The following SMU1 variants were observed in gnomAD, a reference collection of about 807,000 sequenced individuals.
SMU1 encodes the protein SMU1 DNA replication regulator and spliceosomal factor, also known as WD40 repeat-containing protein SMU1.
Under a neutral mutation model 62.0 loss-of-function variants are expected in SMU1, and 2 were observed. The ratio of observed to expected loss-of-function variants is 0.03; its 90% CI spans 0.01 to 0.10. The LOEUF is 0.10. Among genes scored for constraint, SMU1 ranks in the 10% least tolerant of loss-of-function variants. SMU1 has a pLI of 1.00. For synonymous variants in SMU1, 188 were observed against 212.4 expected (o/e 0.89, Z 1.00); for missense variants, 227 against 622.1 (o/e 0.36, Z 6.76).
Position 33,071,602 on chromosome 9 carries a change from A to C in SMU1, c.390+138T>G. ...ACGCAAATTTCAGCCAACATATATA[A>C]ACAGAGAAGCATCATTCTCAAAAAT... On this transcript the variant is annotated intron_variant, in intron 3 of 11. Coordinates refer to ENST00000397149, the MANE Select transcript of SMU1 (RefSeq NM_018225.3). 5 of 899,316 alleles carry C rather than the reference A, an allele frequency of 5.6e-6. No individual in the cohort carries two copies. In the South Asian group the frequency reaches 9.5e-5, roughly 17 times the overall value. The allele number at this position is 899,316 out of a possible 1,614,324, so 55.7% of individuals were successfully genotyped here. A position where few individuals can be genotyped will look rare whatever the true frequency, so the allele number is the denominator to read the frequency against.
intron 3 of SMU1, 24 bp from the exon 4 acceptor site, chr9:33,068,958 T>C (rs746255531): frequency 6.2e-7 from 1 of 1,612,334 alleles, no homozygotes; most frequent in South Asian, 1.1e-5. Context: ...GGGTGTAGCA[T>C]CATTTCCAAG....
rs564646769 is a variant in SMU1 at position 33,047,051 on chromosome 9, G to A, written c.*242C>T. On this transcript the variant is annotated 3_prime_UTR_variant, in exon 12 of 12. Coordinates refer to ENST00000397149, the MANE Select transcript of SMU1 (RefSeq NM_018225.3). ...ATATCAGTATTTCACTCTCCAGGTC[G>A]AAGATTAATGAAAACATTAAGTGAC... 7 of 355,590 alleles carry A rather than the reference G, an allele frequency of 2.0e-5. No homozygotes were observed. The highest frequency in any genetic ancestry group is 1.9e-4 in the South Asian group (4 of 21,088). The allele number at this position is 355,590 out of a possible 1,614,324, so 22.0% of individuals were successfully genotyped here.
At chr9:33,061,477 A>G (rs1839360422) in intron 5 of SMU1, among the ~76,000 whole-genome samples, 1 of 152,238 alleles carries the variant, frequency 6.6e-6, no homozygotes. Context: ...GCACAAATCC[A>G]GAGAAACTGT....
At chr9:33,048,673 T>G (rs1166634473) in intron 10 of SMU1, among the ~76,000 whole-genome samples, 1 of 152,236 alleles carries the variant, frequency 6.6e-6, no homozygotes, top group African/African-American at 2.4e-5. Context: ...TCTCTAAGAC[T>G]TTGCTTGCTC....
Position 33,044,738 on chromosome 9 carries a change from G to C in SMU1, c.*2555C>G, listed in dbSNP as rs1424906916. 1.3e-5 allele frequency: 2 copies of C among 152,260 alleles called. No individual in the cohort carries two copies. Among genetic ancestry groups the C allele is most frequent in the African/African-American group, 2.4e-5 (1 of 41,458 alleles). 9.4% of individuals were successfully genotyped at this position (152,260 alleles called of 1,614,324 possible). ...AACTTAGCGTTTACATGTTCACCCAGTGCATTATTTTATTTAAAAAGAAGA... is the reference window on the plus strand; with the variant it reads ...AACTTAGCGTTTACATGTTCACCCACTGCATTATTTTATTTAAAAAGAAGA... On this transcript the variant is annotated 3_prime_UTR_variant, in exon 12 of 12. Coordinates refer to ENST00000397149, the MANE Select transcript of SMU1 (RefSeq NM_018225.3).
intron 6 of SMU1, among the ~76,000 whole-genome samples, chr9:33,059,185 C>A (rs1839335167): frequency 6.6e-6 from 1 of 152,110 alleles, no homozygotes; most frequent in South Asian, 2.1e-4. Context: ...TAATCTCCAA[C>A]ATATGCTATA....
Position 33,062,195 on chromosome 9 carries a change from A to T in SMU1, c.502-18T>A, listed in dbSNP as rs369641455. On this transcript the variant is annotated intron_variant, in intron 4 of 11. Transcript: ENST00000397149. ...TTCAGTGCCTATGAGGAAAAAAAAA[A>T]ATATAGCAATCTGTTCAGGTGCTTT... 1.9e-4 allele frequency: 304 copies of T among 1,606,096 alleles called. 1 individual carries two copies. The highest frequency in any genetic ancestry group is 3.3e-4 in the Middle Eastern group (2 of 6,010).
At chr9:33,054,513 AT>A (rs1839284518) in intron 9 of SMU1, among the ~76,000 whole-genome samples, 2 of 152,344 alleles carry the variant, frequency 1.3e-5, no homozygotes, top group Admixed American at 6.5e-5. Context: ...GGCCACTTGC[AT>A]TACTTTTCCC....
At chr9:33,054,537 C>T (rs1839284725) in intron 9 of SMU1, among the ~76,000 whole-genome samples, 1 of 152,226 alleles carries the variant, frequency 6.6e-6, no homozygotes, top group Admixed American at 6.5e-5. Context: ...TCTATCTTTT[C>T]ACCTTATCCT....
intron 10 of SMU1, among the ~76,000 whole-genome samples, chr9:33,052,891 CGAAGGATGAAAGT>C (rs1839265265): frequency 6.6e-6 from 1 of 152,122 alleles, no homozygotes; most frequent in Non-Finnish European, 1.5e-5. Context: ...TTCCTTTATC[CGAAGGATGAAAGT>C]GCTTAATATA....
intron 9 of SMU1, among the ~76,000 whole-genome samples, 196 bp downstream of exon 9, chr9:33,055,917 T>C (rs1189900917): frequency 6.6e-6 from 1 of 152,210 alleles, no homozygotes; most frequent in Non-Finnish European, 1.5e-5. Flanking sequence ...TGAAAAGGTT[T>C]GAGATTGGGG....
Position 33,071,745 on chromosome 9 carries a change from G to A in SMU1, c.385C>T (p.Arg129Cys). 6.2e-7 allele frequency: 1 copy of A among 1,608,812 alleles called. No individual in the cohort carries two copies. Among genetic ancestry groups the A allele is most frequent in the Non-Finnish European group, 8.5e-7 (1 of 1,178,442 alleles). The change falls in exon 3 of 12, where the codon CGT becomes TGT. Residue 129 changes from arginine (R) to cysteine (C), a missense_variant. This residue lies in a region of SMU1 where 99 missense variants were observed against 270.3 expected (regional missense o/e 0.37). Transcript: ENST00000397149. ...NLLARSYFDP[R>C]EAYPDGSSKE... is the part of the protein sequence containing the mutation. Reference sequence around the variant, plus strand: ...TTTCATTACCACAGTCATACCTCACGAGGATCAAAGTAAGACCTGGCCAAA... The same window carrying A: ...TTTCATTACCACAGTCATACCTCACAAGGATCAAAGTAAGACCTGGCCAAA...
intron 4 of SMU1, among the ~76,000 whole-genome samples, chr9:33,067,178 A>G (rs1021431346): frequency 3.9e-5 from 6 of 152,042 alleles, no homozygotes; most frequent in Non-Finnish European, 7.4e-5. Flanking sequence ...TTGAATATAG[A>G]TTGAACCAAA....
In SMU1 at chr9:33,048,275, C is replaced by G. The variant is rs755793214; in HGVS notation, c.1291-17G>C. Reference sequence around the variant, plus strand: ...TCTGACAATCTAGATCACACCACACCCCAAGAAAAAAACATCAGGATTAGT... The same window carrying G: ...TCTGACAATCTAGATCACACCACACGCCAAGAAAAAAACATCAGGATTAGT... On this transcript the variant is annotated splice_polypyrimidine_tract_variant and intron_variant, in intron 10 of 11. Coordinates refer to ENST00000397149, the MANE Select transcript of SMU1 (RefSeq NM_018225.3). The G allele has an allele frequency of 1.2e-6, 2 of 1,611,760 alleles. No individual in the cohort carries two copies. The highest frequency in any genetic ancestry group is 1.7e-6 in the Non-Finnish European group (2 of 1,179,322).
At chr9:33,076,543 G>A (rs776603552) in intron 1 of SMU1, 40 bp downstream of exon 1, 8 of 1,612,248 alleles carry the variant, frequency 5.0e-6, no homozygotes, top group Non-Finnish European at 5.9e-6. Flanking sequence ...TAACCTCCAG[G>A]CCCCCGGCAA....
At chr9:33,073,944 G>C (rs1242497299) in intron 1 of SMU1, 138 bp from the exon 2 acceptor site, 1 of 762,090 alleles carries the variant, frequency 1.3e-6, no homozygotes, top group Non-Finnish European at 2.1e-6. Flanking sequence ...CAAAATCACA[G>C]AATCTAAATT....
rs778033139 is a variant in SMU1, at chr9:33,076,614, T to C, written c.-6A>G. 1 of 1,613,772 alleles carries C rather than the reference T, an allele frequency of 6.2e-7. No homozygotes were observed. The highest frequency in any genetic ancestry group is 8.5e-7 in the Non-Finnish European group (1 of 1,180,028). On this transcript the variant is annotated 5_prime_UTR_variant, in exon 1 of 12. The change creates a new upstream start codon in the 5' untranslated region. Transcript: ENST00000397149. ...GATTCGATTTCGATCGACATAGCCG[T>C]ATCTCTCCGGGAGCAGGCCCCAGCT... is the stretch of plus-strand genomic sequence containing the variant.
intron 6 of SMU1, 33 bp downstream of exon 6, chr9:33,060,432 A>T (rs775977603): frequency 1.3e-6 from 2 of 1,567,738 alleles, no homozygotes; most frequent in South Asian, 1.2e-5. Flanking sequence ...TAATTTTTCC[A>T]CTAGGAAGGT....
intron 10 of SMU1, among the ~76,000 whole-genome samples, chr9:33,049,563 A>G (rs140243373): frequency 1.8e-3 from 270 of 152,328 alleles, no homozygotes; most frequent in African/African-American, 6.0e-3. Flanking sequence ...ACAACTCCTA[A>G]GACATGATCC....
Sources: gnomAD v4.1 joint callset for allele counts (sites outside exome capture counted in the v4.1 genomes callset) on GRCh38, gnomAD v4.1.1 for gene constraint, gnomAD v4.1.1 regional missense constraint, MANE v1.5 for transcripts, NCBI Gene and HGNC (gene_info 2026-07-23, HGNC 2026-07-21) for gene names.